SLC5A1: variants seen among roughly 807,000 people sequenced by gnomAD.
SLC5A1 encodes sodium/glucose cotransporter 1.
Under a neutral mutation model 73.5 loss-of-function variants are expected in SLC5A1, and 42 were observed. The ratio of observed to expected loss-of-function variants is 0.57; its 90% CI spans 0.45 to 0.74. The LOEUF (loss-of-function observed/expected upper bound fraction) is 0.74. Among genes scored for constraint, SLC5A1 ranks in the 30% least tolerant of loss-of-function variants. The pLI is 0.00. For missense variants in SLC5A1, 634 were observed against 855.4 expected (o/e 0.74, Z 3.23); for synonymous variants, 300 against 317.4 (o/e 0.95, Z 0.58).
rs568338721 is a variant in SLC5A1 at position 32,092,617 on chromosome 22, T to C, written c.1280+855T>C. Among the ~76,000 whole-genome samples, 17 of 152,358 alleles carry C rather than the reference T, an allele frequency of 1.1e-4. No individual in the cohort carries two copies. In the South Asian group the frequency reaches 3.5e-3, roughly 32 times the overall value. On this transcript the variant is annotated intron_variant, in intron 11 of 14. Coordinates refer to ENST00000266088, the MANE Select transcript of SLC5A1 (RefSeq NM_000343.4). ...ACATCCACACCAATATCTATTTTTT[T>C]TATTTCTAAATTACAGTCATTCTTG...
intron 13 of SLC5A1, 143 bp downstream of exon 13, chr22:32,102,380 C>T: frequency 2.9e-6 from 2 of 696,206 alleles, no homozygotes; most frequent in South Asian, 3.3e-5. Flanking sequence ...TACAGGCATA[C>T]AATATAAAAT....
At chr22:32,103,324 T>C (rs2094039684) in intron 13 of SLC5A1, among the ~76,000 whole-genome samples, 1 of 152,252 alleles carries the variant, frequency 6.6e-6, no homozygotes, top group South Asian at 2.1e-4. Context: ...ATTAGTGATG[T>C]TGACATGCCA....
chr22:32,106,129 A>G (rs2094045272), intron 14 of SLC5A1, among the ~76,000 whole-genome samples: 1 of 152,222 alleles, frequency 6.6e-6, no homozygotes, highest in South Asian at 2.1e-4. Flanking sequence ...ATTATATGGT[A>G]GCTGTCTTTT....
chr22:32,059,139 A>C, intron 2 of SLC5A1: 2 of 985,390 alleles, frequency 2.0e-6, no homozygotes, highest in Non-Finnish European at 2.4e-6. Context: ...TCCTCTTCTG[A>C]ATTTCATGCC....
intron 5 of SLC5A1, among the ~76,000 whole-genome samples, chr22:32,075,059 G>A (rs2093988654): frequency 6.8e-6 from 1 of 146,466 alleles, no homozygotes; most frequent in African/African-American, 2.5e-5. Context: ...ACCATGCCCA[G>A]CTATTTTTTA....
rs201082600 is a variant in SLC5A1 at position 32,110,528 on chromosome 22, A to G, written c.*315A>G. 4.7e-6 allele frequency: 2 copies of G among 428,986 alleles called. No homozygotes were observed. Among genetic ancestry groups the G allele is most frequent in the East Asian group, 4.9e-5 (1 of 20,392 alleles). The allele number at this position is 428,986 out of a possible 1,614,324, so 26.6% of individuals were successfully genotyped here. On this transcript the variant is annotated 3_prime_UTR_variant, in exon 15 of 15. Coordinates refer to ENST00000266088, the MANE Select transcript of SLC5A1 (RefSeq NM_000343.4). ...TGTCTGACGTGAGTCTGTCTCAGGT[A>G]GATTCCGGGTGTCAGTGTGGTTTAT... is the stretch of plus-strand genomic sequence containing the variant.
chr22:32,102,486 T>C (rs1754670439), intron 13 of SLC5A1, among the ~76,000 whole-genome samples: 1 of 152,136 alleles, frequency 6.6e-6, no homozygotes, highest in Non-Finnish European at 1.5e-5. Context: ...TATTTTAAAA[T>C]ACAGATTATG....
chr22:32,044,521 T>G (rs1429684881), intron 1 of SLC5A1, among the ~76,000 whole-genome samples: 1 of 151,880 alleles, frequency 6.6e-6, no homozygotes, highest in Non-Finnish European at 1.5e-5. Flanking sequence ...AAGTGTTTTT[T>G]TTTTTTTTTC....
In SLC5A1 at chr22:32,110,256, T is replaced by TCAC. The variant is rs1161094647; in HGVS notation, c.*45_*47dup. ...AGATTTACCATGGCTGGACTCTTAC[T>TCAC]CACCTTCCTTTAGTCTCGTCCTGTG... On this transcript the variant is annotated 3_prime_UTR_variant, in exon 15 of 15. Transcript: ENST00000266088. The TCAC allele has an allele frequency of 2.1e-6, 3 of 1,448,192 alleles. No homozygotes were observed. The highest frequency in any genetic ancestry group is 1.9e-6 in the Non-Finnish European group (2 of 1,030,470). 89.7% of individuals were successfully genotyped at this position (1,448,192 alleles called of 1,614,324 possible). A position where few individuals can be genotyped will look rare whatever the true frequency, so the allele number is the denominator to read the frequency against.
At position 32,049,996 on chromosome 22, in the gene SLC5A1, A is replaced by C; in HGVS notation, c.189A>C (p.Arg63=). ...GTVGGFFLAG[R]SMVWWPIGAS... is the part of the protein sequence containing the mutation. ...TTGGAGGCTTCTTCCTGGCAGGCCG[A>C]AGTATGGTGTGGTGGCCGGTAAGTT... Residue 63 remains arginine (R), a synonymous_variant, in exon 2 of 15, where the codon CGA becomes CGC. Transcript: ENST00000266088. The C allele has an allele frequency of 6.2e-7, 1 of 1,614,058 alleles. No individual in the cohort carries two copies. The highest frequency in any genetic ancestry group is 8.5e-7 in the Non-Finnish European group (1 of 1,179,942).
chr22:32,046,143 G>A (rs1194063776), intron 1 of SLC5A1, among the ~76,000 whole-genome samples: 1 of 152,192 alleles, frequency 6.6e-6, no homozygotes, highest in Non-Finnish European at 1.5e-5. Context: ...CAACCTTTCT[G>A]TTTTACAGAT....
At chr22:32,046,423 T>C (rs1232071120) in intron 1 of SLC5A1, among the ~76,000 whole-genome samples, 1 of 151,834 alleles carries the variant, frequency 6.6e-6, no homozygotes, top group African/African-American at 2.4e-5. Flanking sequence ...CAAAATCACC[T>C]TGACTAGTTG....
At chr22:32,085,143 TCTCA>T in intron 9 of SLC5A1, 108 bp downstream of exon 9, 1 of 1,305,226 alleles carries the variant, frequency 7.7e-7, no homozygotes. Context: ...TGAGACCAGG[TCTCA>T]CTCTGTCACC....
chr22:32,105,585 A>G (rs987470455), intron 14 of SLC5A1, among the ~76,000 whole-genome samples: 1 of 152,186 alleles, frequency 6.6e-6, no homozygotes, highest in African/African-American at 2.4e-5. Context: ...ATAAGCCACC[A>G]CACCCGGCCT....
chr22:32,099,095 AAAAAAAAAAAATATAT>A, intron 11 of SLC5A1, 72 bp from the exon 12 acceptor site: 1 of 154,900 alleles, frequency 6.5e-6, no homozygotes, highest in Admixed American at 9.9e-5. Flanking sequence ...AAAAAAAAAA[AAAAAAAAAAAATATAT>A]ATATATATAT....
chr22:32,052,072 G>GT (rs2093945800), intron 2 of SLC5A1, among the ~76,000 whole-genome samples: 1 of 152,188 alleles, frequency 6.6e-6, no homozygotes, highest in South Asian at 2.1e-4. Flanking sequence ...ATCTAGTGAG[G>GT]TAAGTAGAGT....
At chr22:32,093,401 G>T (rs2094021248) in intron 11 of SLC5A1, among the ~76,000 whole-genome samples, 1 of 152,092 alleles carries the variant, frequency 6.6e-6, no homozygotes, top group Non-Finnish European at 1.5e-5. Context: ...TGGCAGTATG[G>T]TCATTTTCAC....
chr22:32,056,380 A>G lies in SLC5A1; in HGVS notation c.207+6366A>G, dbSNP rs114907576. ...TAGGGTTGCCAGATTTCACAAATAA[A>G]AATACAGGATGCCCAGTTAAATCTG... On this transcript the variant is annotated intron_variant, in intron 2 of 14. Coordinates refer to ENST00000266088, the MANE Select transcript of SLC5A1 (RefSeq NM_000343.4). Among the ~76,000 whole-genome samples, 1,220 of 152,088 alleles carry G rather than the reference A, an allele frequency of 8.0e-3. 16 individuals are homozygous for G. Among genetic ancestry groups the G allele is most frequent in the African/African-American group, 0.028 (1,151 of 41,446 alleles).
chr22:32,060,967 A>C (rs1446049538), intron 2 of SLC5A1, among the ~76,000 whole-genome samples: 1 of 152,136 alleles, frequency 6.6e-6, no homozygotes, highest in Non-Finnish European at 1.5e-5. Flanking sequence ...GGCTTTCAAT[A>C]CACTCTAGGG....
Sources: gnomAD v4.1 joint callset for allele counts (sites outside exome capture counted in the v4.1 genomes callset) on GRCh38, gnomAD v4.1.1 for gene constraint, MANE v1.5 for transcripts, NCBI Gene and HGNC (gene_info 2026-07-23, HGNC 2026-07-21) for gene names.